Variants in DNAH2 observed in about 807,000 individuals in gnomAD.
DNAH2 encodes dynein axonemal heavy chain 2.
Under a neutral mutation model 523.5 loss-of-function variants are expected in DNAH2, and 323 were observed. The observed-to-expected ratio is 0.62, with a 90% confidence interval of 0.56 to 0.68. The LOEUF (loss-of-function observed/expected upper bound fraction) is 0.68, where lower values mean the gene tolerates loss of function less well. DNAH2 is among the 30% of genes least tolerant of loss of function. The probability of loss-of-function intolerance (pLI) is 0.00; values close to 1 mark genes in which losing one functional copy is unlikely to be tolerated. For missense variants in DNAH2, 4,907 were observed against 5,701.5 expected, an observed-to-expected ratio of 0.86 and a Z score of 4.49; for synonymous variants, 2,093 against 2,177.4, an observed-to-expected ratio of 0.96 and a Z score of 1.08.
intron 39 of DNAH2, among the ~76,000 whole-genome samples, chr17:7,782,662 CT>C (rs1454791142): frequency 6.6e-6 from 1 of 152,148 alleles, no homozygotes; most frequent in African/African-American, 2.4e-5. Flanking sequence ...TGAAAACTTA[CT>C]TCAGATATTG....
In DNAH2 at chr17:7,723,609, G is replaced by A; in HGVS notation, c.167-19G>A. 1 of 1,612,272 alleles carries A rather than the reference G, an allele frequency of 6.2e-7. No individual in the cohort carries two copies. The highest frequency in any genetic ancestry group is 8.5e-7 in the Non-Finnish European group (1 of 1,178,518). On this transcript the variant is annotated intron_variant, in intron 2 of 85. Coordinates refer to ENST00000572933, the MANE Select transcript of DNAH2 (RefSeq NM_020877.5). Reference sequence around the variant, plus strand: ...CTTTCCAAGAAATGCCTTCCTTTTTGTATGTTTATTCTTCCTAGAGCCACG... The same window carrying A: ...CTTTCCAAGAAATGCCTTCCTTTTTATATGTTTATTCTTCCTAGAGCCACG...
At chr17:7,769,760 GA>G (rs1377211912) in intron 24 of DNAH2, among the ~76,000 whole-genome samples, 1 of 152,152 alleles carries the variant, frequency 6.6e-6, no homozygotes, top group Non-Finnish European at 1.5e-5. Context: ...CCATTTAAGA[GA>G]AAATAATTTT....
chr17:7,797,394 C>T lies in DNAH2; in HGVS notation c.7950-6C>T, dbSNP rs1565817. On this transcript the variant is annotated splice_region_variant and splice_polypyrimidine_tract_variant and intron_variant, in intron 51 of 85. Transcript: ENST00000572933. ...CCCCGATCTCACCCCAGTTCCCTGC[C>T]CACAGAGTCTTCTCTGACCGGCTGG... 0.61 allele frequency: 988,828 copies of T among 1,613,764 alleles called. 307,714 individuals are homozygous for T. The highest frequency in any genetic ancestry group is 0.68 in the Admixed American group (40,835 of 59,978).
At chr17:7,776,204 G>A (rs922340411) in intron 31 of DNAH2, 55 bp downstream of exon 31, 36 of 1,585,638 alleles carry the variant, frequency 2.3e-5, no homozygotes, top group Middle Eastern at 2.0e-4. Context: ...GGTGGCTCAC[G>A]CCTGTAATCC....
chr17:7,765,149 G>A (rs2076127211), intron 20 of DNAH2, among the ~76,000 whole-genome samples: 1 of 152,114 alleles, frequency 6.6e-6, no homozygotes, highest in African/African-American at 2.4e-5. Flanking sequence ...TGGTCTGGAG[G>A]ATCAGAAAAG....
chr17:7,768,334 T>G, intron 24 of DNAH2, 67 bp downstream of exon 24: 1 of 1,499,310 alleles, frequency 6.7e-7, no homozygotes, highest in South Asian at 1.1e-5. Context: ...ACTTGGTCCC[T>G]CCCATTCTCC....
chr17:7,793,603 A>T (rs977021925), intron 48 of DNAH2, among the ~76,000 whole-genome samples: 1 of 143,622 alleles, frequency 7.0e-6, no homozygotes, highest in African/African-American at 2.6e-5. Context: ...GCATCTTGCT[A>T]TGTTGCCAAG....
rs143782740 is a variant in DNAH2 at position 7,821,096 on chromosome 17, A to G, written c.11016-147A>G. On this transcript the variant is annotated intron_variant, in intron 72 of 85. Transcript: ENST00000572933. This position sits in a 1 kb window ranked among gnomAD's most constrained non-coding sequence, Gnocchi z 5.0. ...GGAAATTCTTGTGTCTAGGCCCCTGAGTCCTCAGCTGTTTCCAGGAGGTTA... is the reference window on the plus strand; with the variant it reads ...GGAAATTCTTGTGTCTAGGCCCCTGGGTCCTCAGCTGTTTCCAGGAGGTTA... 2.2e-3 allele frequency: 2,449 copies of G among 1,096,930 alleles called. 35 individuals carry two copies. Among genetic ancestry groups the G allele is most frequent in the East Asian group, 8.7e-3 (328 of 37,588 alleles). 67.9% of individuals were successfully genotyped at this position (1,096,930 alleles called of 1,614,324 possible).
At position 7,803,378 on chromosome 17, in the gene DNAH2, G is replaced by T. The variant is rs2077275499; in HGVS notation, c.8973-878G>T. ...ATTTATTGCAAAGGATATTTTAAAA[G>T]ATACAAATAAGGCTGGGCACGGTGA... On this transcript the variant is annotated intron_variant, in intron 58 of 85. Transcript: ENST00000572933. 6.6e-5 allele frequency among the ~76,000 whole-genome samples: 10 copies of T among 152,214 alleles called. 1 individual carries two copies. In the South Asian group the frequency reaches 2.1e-3, roughly 32 times the overall value.
chr17:7,757,337 T>G, intron 13 of DNAH2, 100 bp downstream of exon 13: 1 of 1,432,780 alleles, frequency 7.0e-7, no homozygotes, highest in Non-Finnish European at 9.4e-7. Context: ...ACAATTTCTG[T>G]CCTCTACATC....
At position 7,823,958 on chromosome 17, in the gene DNAH2, G is replaced by A. The variant is rs1339983173; in HGVS notation, c.11454G>A (p.Glu3818=). ...IITNLGSRFI[E]PPVLNMKSVL... Reference sequence around the variant, plus strand: ...CCAACCTTGGCTCCCGCTTCATCGAGCCGCCTGTGCTGAATATGAAGTCGG... The same window carrying A: ...CCAACCTTGGCTCCCGCTTCATCGAACCGCCTGTGCTGAATATGAAGTCGG... The change falls in exon 75 of 86, where the codon GAG becomes GAA. Residue 3818 remains glutamate (E), a synonymous_variant. Coordinates refer to ENST00000572933, the MANE Select transcript of DNAH2 (RefSeq NM_020877.5). 1.2e-6 allele frequency: 2 copies of A among 1,613,658 alleles called. No homozygotes were observed. The highest frequency in any genetic ancestry group is 1.7e-5 in the Admixed American group (1 of 60,024).
chr17:7,737,867 T>C (rs2075186183), intron 8 of DNAH2: 3 of 661,054 alleles, frequency 4.5e-6, no homozygotes, highest in Admixed American at 2.1e-5. Flanking sequence ...AATTAAGGAG[T>C]AGGGGGCTGA....
chr17:7,731,099 C>T (rs1455441977), intron 4 of DNAH2, among the ~76,000 whole-genome samples: 8 of 151,562 alleles, frequency 5.3e-5, no homozygotes, highest in Admixed American at 5.3e-4. Context: ...GCCTGGGCAA[C>T]AGAGTGAGAC....
chr17:7,806,686 A>G (rs1472033740), intron 61 of DNAH2, among the ~76,000 whole-genome samples: 2 of 147,470 alleles, frequency 1.4e-5, no homozygotes, highest in African/African-American at 4.9e-5. Flanking sequence ...AAAAAAAGAT[A>G]GAAGAATGTA....
intron 7 of DNAH2, 118 bp downstream of exon 7, chr17:7,734,826 A>C: frequency 9.7e-7 from 1 of 1,033,922 alleles, no homozygotes; most frequent in Non-Finnish European, 1.5e-6. Flanking sequence ...AGACTGACCC[A>C]CCCAGGGTTC....
At chr17:7,794,210 C>A in intron 48 of DNAH2, 44 bp from the exon 49 acceptor site, 1 of 1,484,286 alleles carries the variant, frequency 6.7e-7, no homozygotes. Flanking sequence ...CTCTCTTGCC[C>A]TCTCCCCTCC....
At chr17:7,729,042 A>C (rs1300075932) in intron 4 of DNAH2, among the ~76,000 whole-genome samples, 4 of 152,058 alleles carry the variant, frequency 2.6e-5, no homozygotes, top group Non-Finnish European at 4.4e-5. Flanking sequence ...TTTAAAAATT[A>C]TTACCCTTGA....
In DNAH2 at chr17:7,760,039, C is replaced by A. The variant is rs566707010; in HGVS notation, c.2785+101C>A. The A allele has an allele frequency of 4.6e-5, 71 of 1,543,456 alleles. No homozygotes were observed. In the African/African-American group the frequency reaches 8.3e-4, roughly 18 times the overall value. The stretch of plus-strand genomic sequence containing the variant: ...CAGGGCTATTTCCAGGCATACTGGG[C>A]CAGTCACCTCCCTGACCTGGGGAAA... On this transcript the variant is annotated intron_variant, in intron 17 of 85. Transcript: ENST00000572933. The surrounding 1 kb of genome is among the most constrained non-coding windows in gnomAD (Gnocchi z 4.0).
chr17:7,752,579 G>A (rs545965202), intron 12 of DNAH2, among the ~76,000 whole-genome samples: 12 of 152,076 alleles, frequency 7.9e-5, no homozygotes, highest in South Asian at 2.1e-4. Flanking sequence ...GCGTGGTGGC[G>A]GGCGCCTGTA....
Sources: allele counts gnomAD v4.1 joint callset (sites outside exome capture counted in the v4.1 genomes callset), GRCh38; gene constraint gnomAD v4.1.1; non-coding constraint Gnocchi (gnomAD v3.1); transcripts MANE v1.5; gene names NCBI Gene and HGNC (gene_info 2026-07-23, HGNC 2026-07-21).